The following NMD3 variants were observed in gnomAD, a reference collection of about 807,000 sequenced individuals.
NMD3 encodes the protein 60S ribosomal export protein NMD3.
Under a neutral mutation model 73.1 loss-of-function variants are expected in NMD3, and 47 were observed. That is an observed-to-expected ratio of 0.64 (90% CI 0.51 to 0.82). The LOEUF (loss-of-function observed/expected upper bound fraction) is 0.82. NMD3 is among the 40% of genes least tolerant of loss of function. The pLI, the probability that NMD3 is intolerant of heterozygous loss-of-function variation, is 0.00. For missense variants in NMD3, 554 were observed against 612.5 expected (o/e 0.90, Z 1.01); for synonymous variants, 210 against 194.5 (o/e 1.08, Z -0.66).
chr3:161,224,037 T>C (rs569386481), intron 2 of NMD3, among the ~76,000 whole-genome samples: 58 of 152,292 alleles, frequency 3.8e-4, no homozygotes, highest in African/African-American at 1.2e-3. Context: ...GTTGGTTGGG[T>C]GTGGTAAAGA....
chr3:161,245,106 A>G (rs2108098606), intron 11 of NMD3, among the ~76,000 whole-genome samples: 1 of 151,436 alleles, frequency 6.6e-6, no homozygotes, highest in South Asian at 2.1e-4. Flanking sequence ...GGCTTCTTTT[A>G]CTGTGAAATA....
chr3:161,238,054 G>A (rs1736830920), intron 7 of NMD3, 59 bp from the exon 8 acceptor site: 1 of 1,096,264 alleles, frequency 9.1e-7, no homozygotes, highest in East Asian at 2.4e-5. Context: ...AGTCATGTTA[G>A]TAGAGGAGAA....
At chr3:161,236,897 C>T (rs922572680) in intron 7 of NMD3, among the ~76,000 whole-genome samples, 2 of 152,138 alleles carry the variant, frequency 1.3e-5, no homozygotes, top group South Asian at 4.1e-4. Flanking sequence ...CTGAAGTCTG[C>T]TCCCATTGAT....
At chr3:161,230,172 C>T (rs1229454845) in intron 4 of NMD3, among the ~76,000 whole-genome samples, 1 of 152,160 alleles carries the variant, frequency 6.6e-6, no homozygotes, top group Non-Finnish European at 1.5e-5. Context: ...TGTCATGTCT[C>T]ACTGCAGCCT....
chr3:161,232,304 A>T (rs1291821083), intron 4 of NMD3, among the ~76,000 whole-genome samples: 1 of 152,098 alleles, frequency 6.6e-6, no homozygotes, highest in Non-Finnish European at 1.5e-5. Context: ...TTGCATCTAC[A>T]CTAAAAGTGG....
chr3:161,246,604 A>C (rs1285591269), intron 12 of NMD3, among the ~76,000 whole-genome samples, 156 bp downstream of exon 12: 1 of 152,200 alleles, frequency 6.6e-6, no homozygotes, highest in Non-Finnish European at 1.5e-5. Flanking sequence ...TAACTAAATT[A>C]AACTGGGTTG....
At chr3:161,250,480 CA>C in intron 15 of NMD3, among the ~76,000 whole-genome samples, 154 bp downstream of exon 15, 1 of 152,036 alleles carries the variant, frequency 6.6e-6, no homozygotes, top group Admixed American at 6.6e-5. Flanking sequence ...ACTTGCAAAA[CA>C]ATAAATAAAA....
In NMD3 at chr3:161,230,412, C is replaced by T. The variant is rs139283747; in HGVS notation, c.277-2987C>T. Among the ~76,000 whole-genome samples the T allele has an allele frequency of 3.9e-3, 596 of 152,252 alleles. 4 individuals are homozygous for T. Among genetic ancestry groups the T allele is most frequent in the African/African-American group, 0.014 (565 of 41,560 alleles). ...TCAGCTTCCCAAAGTGTTGGGATTA[C>T]AAGCATGAGCCACTGTGCTTGGCCA... On this transcript the variant is annotated intron_variant, in intron 4 of 15. Transcript: ENST00000351193.
intron 4 of NMD3, among the ~76,000 whole-genome samples, chr3:161,231,879 G>A (rs1044490916): frequency 6.6e-6 from 1 of 152,134 alleles, no homozygotes; most frequent in Non-Finnish European, 1.5e-5. Context: ...GGGGAGGAGT[G>A]TTAGATGGGG....
At chr3:161,235,959 T>G (rs1164595848) in intron 7 of NMD3, among the ~76,000 whole-genome samples, 2 of 152,166 alleles carry the variant, frequency 1.3e-5, no homozygotes, top group Non-Finnish European at 2.9e-5. Flanking sequence ...AAAACTATTT[T>G]TAGTTTTAAA....
chr3:161,222,457 G>A (rs1309900708), intron 2 of NMD3, among the ~76,000 whole-genome samples: 1 of 151,856 alleles, frequency 6.6e-6, no homozygotes, highest in African/African-American at 2.4e-5. Flanking sequence ...GCAATTCCCT[G>A]CCTCAGCCTC....
intron 3 of NMD3, 105 bp downstream of exon 3, chr3:161,225,169 C>A: frequency 8.3e-7 from 1 of 1,211,834 alleles, no homozygotes; most frequent in Non-Finnish European, 1.1e-6. Context: ...AAAGTGCATG[C>A]AATTAAGGTT....
chr3:161,238,572 A>G (rs908228337), intron 8 of NMD3, among the ~76,000 whole-genome samples, 158 bp from the exon 9 acceptor site: 1 of 152,230 alleles, frequency 6.6e-6, no homozygotes, highest in South Asian at 2.1e-4. Flanking sequence ...AGGTTTTGAC[A>G]TGCAAGTGCA....
Position 161,250,236 on chromosome 3 carries a change from A to G in NMD3, c.1311-20A>G. 1 of 1,341,922 alleles carries G rather than the reference A, an allele frequency of 7.5e-7. No individual in the cohort carries two copies. Among genetic ancestry groups the G allele is most frequent in the Non-Finnish European group, 1.1e-6 (1 of 936,496 alleles). 83.1% of individuals were successfully genotyped at this position (1,341,922 alleles called of 1,614,324 possible). A position where few individuals can be genotyped will look rare whatever the true frequency, so the allele number is the denominator to read the frequency against. On this transcript the variant is annotated intron_variant, in intron 14 of 15. Transcript: ENST00000351193. ...ATAACTATATTTTTGGTGATGAAAT[A>G]TTTAAATGTTTATTTAAAGGCAATA...
intron 4 of NMD3, among the ~76,000 whole-genome samples, chr3:161,229,163 CT>C (rs1422323190): frequency 1.3e-5 from 2 of 152,120 alleles, no homozygotes; most frequent in Non-Finnish European, 2.9e-5. Flanking sequence ...TGTGTCTGGC[CT>C]TGTAGGCCCT....
chr3:161,234,764 T>C lies in NMD3; in HGVS notation c.395T>C (p.Val132Ala). 2 of 1,612,590 alleles carry C rather than the reference T, an allele frequency of 1.2e-6. No homozygotes were observed. The highest frequency in any genetic ancestry group is 1.1e-5 in the South Asian group (1 of 91,028). The part of the protein sequence containing the change: ...NGAILQQVFV[V>A]DYVVQSQMCG... ...GCTATCCTTCAACAAGTGTTTGTGGTGGATTATGTTGTTCAGTCCCAAATG... is the reference window on the plus strand; with the variant it reads ...GCTATCCTTCAACAAGTGTTTGTGGCGGATTATGTTGTTCAGTCCCAAATG... The change falls in exon 6 of 16, where the codon GTG becomes GCG. Residue 132 changes from valine to alanine, a missense_variant. Coordinates refer to ENST00000351193, the MANE Select transcript of NMD3 (RefSeq NM_015938.5).
Position 161,227,249 on chromosome 3 carries a change from A to G in NMD3, c.182A>G (p.Tyr61Cys). ...SISFCKQCQR[Y>C]FQPPGTWIQC... Reference sequence around the variant, plus strand: ...CAGTATGTTATCTTCTCTTTTAGGTATTTTCAACCACCAGGAACTTGGATA... The same window carrying G: ...CAGTATGTTATCTTCTCTTTTAGGTGTTTTCAACCACCAGGAACTTGGATA... The change falls in exon 4 of 16, where the codon TAT becomes TGT. Residue 61 changes from tyrosine to cysteine, a missense_variant and splice_region_variant. Transcript: ENST00000351193. 6.3e-7 allele frequency: 1 copy of G among 1,592,720 alleles called. No individual in the cohort carries two copies. The highest frequency in any genetic ancestry group is 8.6e-7 in the Non-Finnish European group (1 of 1,165,816).
Position 161,221,984 on chromosome 3 carries a change from TTTTTA to T in NMD3, c.-20-9_-20-5del, listed in dbSNP as rs1736110984. On this transcript the variant is annotated splice_region_variant and splice_polypyrimidine_tract_variant and intron_variant, in intron 1 of 15. Coordinates refer to ENST00000351193, the MANE Select transcript of NMD3 (RefSeq NM_015938.5). ...TTTTTTTTTTTTTTTTTTTTTTTTT[TTTTTA>T]AAAGAACTTAAGGCATACAGAACGA... 1.2e-5 allele frequency: 15 copies of T among 1,300,908 alleles called. No homozygotes were observed. Among genetic ancestry groups the T allele is most frequent in the African/African-American group, 6.1e-5 (3 of 49,544 alleles). The allele number at this position is 1,300,908 out of a possible 1,614,324, so 80.6% of individuals were successfully genotyped here.
intron 3 of NMD3, 113 bp downstream of exon 3, chr3:161,225,177 G>T: frequency 1.7e-6 from 2 of 1,178,050 alleles, no homozygotes; most frequent in African/African-American, 1.6e-5. Flanking sequence ...TGCAATTAAG[G>T]TTTAAATTTT....
Sources: gnomAD v4.1 joint callset for allele counts (sites outside exome capture counted in the v4.1 genomes callset) on GRCh38, gnomAD v4.1.1 for gene constraint, MANE v1.5 for transcripts, NCBI Gene and HGNC (gene_info 2026-07-23, HGNC 2026-07-21) for gene names.